The following SUCO variants were observed in gnomAD, a reference collection of about 807,000 sequenced individuals.
SUCO encodes the protein SUN domain-containing ossification factor.
In SUCO, 57 loss-of-function variants were observed where a neutral mutation model predicts 148.1. The observed-to-expected ratio is 0.38, with a 90% CI of 0.31 to 0.48. SUCO has a LOEUF of 0.48. Among genes scored for constraint, SUCO ranks in the 20% least tolerant of loss-of-function variants. The pLI is 0.96. For missense variants in SUCO, 1,331 were observed against 1,468.2 expected (o/e 0.91, Z 1.53); for synonymous variants, 470 against 502.7 (o/e 0.93, Z 0.87).
At chr1:172,564,539 G>T (rs1654419591) in intron 6 of SUCO, among the ~76,000 whole-genome samples, 1 of 151,620 alleles carries the variant, frequency 6.6e-6, no homozygotes, top group East Asian at 1.9e-4. Context: ...CACCATGATT[G>T]TAAGTTTCCT....
intron 1 of SUCO, among the ~76,000 whole-genome samples, chr1:172,550,361 A>G (rs1002987167): frequency 2.0e-5 from 3 of 151,966 alleles, no homozygotes; most frequent in Admixed American, 2.0e-4. Flanking sequence ...TTTCTTGCCA[A>G]GTTTCTATCT....
chr1:172,608,681 A>C, intron 22 of SUCO, 66 bp from the exon 23 acceptor site: 1 of 1,058,998 alleles, frequency 9.4e-7, no homozygotes, highest in Non-Finnish European at 1.4e-6. Context: ...TTTAGTGTTT[A>C]ATTATAGCAA....
chr1:172,594,228 C>T (rs1016290141), intron 19 of SUCO, among the ~76,000 whole-genome samples: 3 of 148,970 alleles, frequency 2.0e-5, no homozygotes, highest in African/African-American at 4.9e-5. Flanking sequence ...AAAACCAGCT[C>T]CTGAATTTAT....
chr1:172,543,152 A>C (rs74124232), intron 1 of SUCO: 5,588 of 309,414 alleles, frequency 0.018, 282 homozygotes, highest in African/African-American at 0.12. Context: ...CAGTCCCCTG[A>C]TGAAATATCT....
rs749106226 is a variant in SUCO at position 172,610,095 on chromosome 1, G to C, written c.3601G>C (p.Ala1201Pro). The C allele has an allele frequency of 1.9e-6, 3 of 1,613,788 alleles. No individual in the cohort carries two copies. The highest frequency in any genetic ancestry group is 2.5e-6 in the Non-Finnish European group (3 of 1,179,860). ...TCAAAAGACAAAAACTGAGAAGAGG[G>C]CTTTAAAACGAAGACGATCTAAAGT... ...QSQKTKTEKR[A>P]LKRRRSKVQD... The change falls in exon 24 of 24, where the codon GCT becomes CCT. Residue 1201 changes from alanine to proline, a missense_variant. By Grantham distance (27) the Ala-to-Pro change is conservative. This residue lies in a region of SUCO where 334 missense variants were observed against 352.3 expected (regional missense o/e 0.95). Coordinates refer to ENST00000263688, the MANE Select transcript of SUCO (RefSeq NM_014283.5).
At chr1:172,569,411 G>C in intron 7 of SUCO, 1 of 980,234 alleles carries the variant, frequency 1.0e-6, no homozygotes, top group Non-Finnish European at 1.2e-6. Context: ...ACAATACGAG[G>C]AAAATTGAGG....
chr1:172,600,204 A>G (rs191448039), intron 20 of SUCO, 36 bp downstream of exon 20: 1 of 1,410,982 alleles, frequency 7.1e-7, no homozygotes, highest in East Asian at 2.3e-5. Flanking sequence ...GACCCAATGC[A>G]TGTATAGAGG....
chr1:172,542,664 T>A, intron 1 of SUCO: 2 of 917,876 alleles, frequency 2.2e-6, no homozygotes, highest in Non-Finnish European at 2.6e-6. Context: ...ACCCCATCCA[T>A]GGCAAAGTAG....
intron 1 of SUCO, among the ~76,000 whole-genome samples, chr1:172,537,037 T>A (rs73032190): frequency 0.049 from 7,507 of 152,148 alleles, 572 homozygotes; most frequent in African/African-American, 0.17. Flanking sequence ...GCAGACATCT[T>A]TGAGGGGGGC....
intron 19 of SUCO, among the ~76,000 whole-genome samples, chr1:172,597,255 C>G (rs1174498021): frequency 6.6e-6 from 1 of 152,240 alleles, no homozygotes; most frequent in Non-Finnish European, 1.5e-5. Flanking sequence ...GGTGCCCCGC[C>G]CTGCTTTGGC....
At chr1:172,592,897 TCCTA>T (rs1656777211) in intron 19 of SUCO, among the ~76,000 whole-genome samples, 1 of 152,258 alleles carries the variant, frequency 6.6e-6, no homozygotes, top group African/African-American at 2.4e-5. Flanking sequence ...TATTGGTTCT[TCCTA>T]CCCATGAACA....
chr1:172,537,202 A>C (rs1046010975), intron 1 of SUCO, among the ~76,000 whole-genome samples: 5 of 152,186 alleles, frequency 3.3e-5, no homozygotes, highest in African/African-American at 9.7e-5. Flanking sequence ...AATTGTCTAT[A>C]AGTTATGTAC....
At position 172,577,747 on chromosome 1, in the gene SUCO, G is replaced by C. The variant is rs1307290668; in HGVS notation, c.1285-17G>C. 4 of 1,609,726 alleles carry C rather than the reference G, an allele frequency of 2.5e-6. No individual in the cohort carries two copies. Among genetic ancestry groups the C allele is most frequent in the Non-Finnish European group, 3.4e-6 (4 of 1,177,752 alleles). ...GCTCTCTGCTGGCTTCCCATTTTAT[G>C]TGCTTTTATTCTTTAGGTTGAGTTG... On this transcript the variant is annotated splice_polypyrimidine_tract_variant and intron_variant, in intron 12 of 23. Transcript: ENST00000263688.
At position 172,592,942 on chromosome 1, in the gene SUCO, C is replaced by G. The variant is rs921185492; in HGVS notation, c.2913+1871C>G. ...TGTTCTTCCATTTGTTTGTGTCTTC[C>G]TTTATTTCCTTCAGCAGTGGTTTGT... On this transcript the variant is annotated intron_variant, in intron 19 of 23. Transcript: ENST00000263688. Among the ~76,000 whole-genome samples the G allele has an allele frequency of 3.9e-5, 6 of 152,034 alleles. No individual in the cohort carries two copies. The South Asian group carries it at 1.0e-3, about 26-fold the overall frequency.
rs1286566376 is a variant in SUCO, at chr1:172,577,568, CCTT to C, written c.1284+12_1284+14del. The C allele has an allele frequency of 1.2e-5, 19 of 1,610,788 alleles. No homozygotes were observed. Among genetic ancestry groups the C allele is most frequent in the Admixed American group, 1.7e-5 (1 of 59,810 alleles). On this transcript the variant is annotated intron_variant, in intron 12 of 23. Coordinates refer to ENST00000263688, the MANE Select transcript of SUCO (RefSeq NM_014283.5). ...TCATCAAGTACATAAAGGTTAGCAA[CCTT>C]CTCTTTTGCACTATTAAATAACAGG... is the stretch of plus-strand genomic sequence containing the variant.
Position 172,577,577 on chromosome 1 carries a change from T to C in SUCO, c.1284+18T>C. ...ACATAAAGGTTAGCAACCTTCTCTT[T>C]TGCACTATTAAATAACAGGGCATGG... On this transcript the variant is annotated intron_variant, in intron 12 of 23. Coordinates refer to ENST00000263688, the MANE Select transcript of SUCO (RefSeq NM_014283.5). The C allele has an allele frequency of 6.2e-7, 1 of 1,610,582 alleles. No individual in the cohort carries two copies. The highest frequency in any genetic ancestry group is 2.2e-5 in the East Asian group (1 of 44,710).
At chr1:172,552,718 G>A in intron 2 of SUCO, 1 of 778,090 alleles carries the variant, frequency 1.3e-6, no homozygotes, top group Non-Finnish European at 1.6e-6. Context: ...TCCCCCTTTT[G>A]ATGAAGCATT....
At chr1:172,584,347 CT>C (rs969237034) in intron 15 of SUCO, 2 of 937,212 alleles carry the variant, frequency 2.1e-6, no homozygotes, top group Non-Finnish European at 2.5e-6. Flanking sequence ...ATAGGTTTTT[CT>C]GTAAAATAAG....
intron 9 of SUCO, among the ~76,000 whole-genome samples, chr1:172,573,672 A>C (rs928260623): frequency 6.6e-6 from 1 of 152,120 alleles, no homozygotes; most frequent in African/African-American, 2.4e-5. Flanking sequence ...AGCAAAATCA[A>C]TATTGTTTTA....
Sources: gnomAD v4.1 joint callset for allele counts (sites outside exome capture counted in the v4.1 genomes callset) on GRCh38, gnomAD v4.1.1 for gene constraint, gnomAD v4.1.1 regional missense constraint, MANE v1.5 for transcripts, NCBI Gene and HGNC (gene_info 2026-07-23, HGNC 2026-07-21) for gene names.